Variants in NCKAP1 observed in about 807,000 individuals in gnomAD.
NCKAP1 encodes the protein NCK associated protein 1.
NCKAP1 carries 21 observed loss-of-function variants against 151.2 expected under a neutral mutation model. The ratio of observed to expected loss-of-function variants is 0.14; its 90% confidence interval spans 0.10 to 0.20. NCKAP1 has a LOEUF of 0.20. Ranked by LOEUF, NCKAP1 falls within the 10% of genes least tolerant of loss-of-function variation. The pLI, the probability that NCKAP1 is intolerant of heterozygous loss-of-function variation, is 1.00. For missense variants in NCKAP1, 933 were observed against 1,352.1 expected, an observed-to-expected ratio of 0.69 and a Z score of 4.86; for synonymous variants, 484 against 451.8, an observed-to-expected ratio of 1.07 and a Z score of -0.90.
chr2:182,954,463 T>C (rs555054831), intron 20 of NCKAP1, among the ~76,000 whole-genome samples: 31 of 152,246 alleles, frequency 2.0e-4, no homozygotes, highest in Admixed American at 8.5e-4. Context: ...ACAAATCCCA[T>C]CACTAGAAAC....
At chr2:183,026,440 C>T (rs1022249234) in intron 1 of NCKAP1, among the ~76,000 whole-genome samples, 1 of 150,774 alleles carries the variant, frequency 6.6e-6, no homozygotes, top group Non-Finnish European at 1.5e-5. Context: ...ACCACTGTAC[C>T]GCAGCCTGAG....
intron 5 of NCKAP1, 22 bp from the exon 6 acceptor site, chr2:183,002,065 T>C (rs1185084636): frequency 1.2e-6 from 2 of 1,612,782 alleles, no homozygotes; most frequent in East Asian, 4.5e-5. Flanking sequence ...CATATCAAAT[T>C]TCAATGAGTT....
intron 18 of NCKAP1, among the ~76,000 whole-genome samples, chr2:182,958,698 T>C (rs1034612679): frequency 2.0e-5 from 3 of 152,148 alleles, no homozygotes; most frequent in Non-Finnish European, 4.4e-5. Flanking sequence ...ACCTAACACA[T>C]TGTTAAGACC....
Position 182,910,349 on chromosome 2 carries a change from G to A in NCKAP1, c.*15353C>T, listed in dbSNP as rs190429973. The A allele has an allele frequency of 1.3e-5, 2 of 152,376 alleles. No homozygotes were observed. Among genetic ancestry groups the A allele is most frequent in the East Asian group, 3.9e-4 (2 of 5,182 alleles). 9.4% of individuals were successfully genotyped at this position (152,376 alleles called of 1,614,324 possible). A position where few individuals can be genotyped will look rare whatever the true frequency, so the allele number is the denominator to read the frequency against. ...AATGTACTAAAATTCTTTGAGAGAT[G>A]AGAGGAAATATTTTTCAGAAGCTTG... On this transcript the variant is annotated 3_prime_UTR_variant, in exon 31 of 31. Coordinates refer to ENST00000361354, the MANE Select transcript of NCKAP1 (RefSeq NM_013436.5).
rs556850463 is a variant in NCKAP1, at chr2:182,943,976, G to T, written c.2602-1813C>A. ...CTTTTGTGCGCATAAAAATTCTCTA[G>T]AGAACTCCTTACAAACACACATTGC... On this transcript the variant is annotated intron_variant, in intron 23 of 30. Transcript: ENST00000361354. Among the ~76,000 whole-genome samples the T allele has an allele frequency of 4.4e-4, 67 of 152,246 alleles. 1 individual carries two copies. Among genetic ancestry groups the T allele is most frequent in the African/African-American group, 1.6e-3 (66 of 41,546 alleles).
intron 8 of NCKAP1, among the ~76,000 whole-genome samples, chr2:182,990,344 C>T (rs2105863280): frequency 6.6e-6 from 1 of 152,114 alleles, no homozygotes; most frequent in East Asian, 1.9e-4. Flanking sequence ...GGTCCATATG[C>T]TTCTTATAGT....
chr2:182,970,493 A>G (rs755221015), intron 15 of NCKAP1, among the ~76,000 whole-genome samples: 60 of 152,244 alleles, frequency 3.9e-4, no homozygotes, highest in Non-Finnish European at 1.2e-4. Flanking sequence ...CTGAAAATGC[A>G]TTCAATAAAA....
intron 23 of NCKAP1, among the ~76,000 whole-genome samples, chr2:182,944,669 C>A (rs1295240747): frequency 6.6e-6 from 1 of 152,020 alleles, no homozygotes; most frequent in African/African-American, 2.4e-5. Flanking sequence ...ACACAAATTA[C>A]CCTATAAAAC....
At chr2:183,008,341 C>G (rs1171663791) in intron 2 of NCKAP1, among the ~76,000 whole-genome samples, 2 of 152,166 alleles carry the variant, frequency 1.3e-5, no homozygotes, top group African/African-American at 4.8e-5. Context: ...ACTATTTTTG[C>G]AAAGTTTTTA....
chr2:183,026,345 G>A (rs1048349249), intron 1 of NCKAP1, among the ~76,000 whole-genome samples: 1 of 152,118 alleles, frequency 6.6e-6, no homozygotes, highest in East Asian at 1.9e-4. Context: ...GTGTGGTGGT[G>A]CACAACTGTA....
intron 10 of NCKAP1, among the ~76,000 whole-genome samples, chr2:182,984,423 GGTGTGT>G (rs4018678): frequency 0.058 from 8,394 of 143,890 alleles, 356 homozygotes; most frequent in African/African-American, 0.12. Flanking sequence ...TTTAGATTGG[GGTGTGT>G]GTGTGTGTGT....
At chr2:182,958,586 T>G (rs969081847) in intron 18 of NCKAP1, among the ~76,000 whole-genome samples, 3 of 152,170 alleles carry the variant, frequency 2.0e-5, no homozygotes, top group Non-Finnish European at 2.9e-5. Context: ...TAAAAAAATT[T>G]TAATGGGCAG....
chr2:182,971,392 TC>T (rs1294127962), intron 15 of NCKAP1, among the ~76,000 whole-genome samples: 39 of 63,580 alleles, frequency 6.1e-4, no homozygotes, highest in Middle Eastern at 0.013. Flanking sequence ...AGACTCCGTC[TC>T]AAAAAAAAAA....
chr2:183,011,197 AAGTT>A lies in NCKAP1; in HGVS notation c.220-7876_220-7873del, dbSNP rs542712818. Among the ~76,000 whole-genome samples the A allele has an allele frequency of 2.3e-4, 35 of 152,344 alleles. 1 individual carries two copies. The South Asian group carries it at 7.2e-3, about 32-fold the overall frequency. ...ACAATTTTGCCTAACCGGACTCAAC[AAGTT>A]TGGTCATAGGAGAACCAAAATGCTT... On this transcript the variant is annotated intron_variant, in intron 2 of 30. Transcript: ENST00000361354.
chr2:182,969,199 G>A (rs1697636202), intron 15 of NCKAP1, among the ~76,000 whole-genome samples: 1 of 152,166 alleles, frequency 6.6e-6, no homozygotes, highest in Non-Finnish European at 1.5e-5. Flanking sequence ...GAGACCATAT[G>A]TTAGGCCACA....
intron 2 of NCKAP1, among the ~76,000 whole-genome samples, chr2:183,013,341 G>A (rs1056670337): frequency 6.6e-6 from 1 of 152,008 alleles, no homozygotes; most frequent in African/African-American, 2.4e-5. Flanking sequence ...TGCATTCACT[G>A]TACTACTCCC....
intron 2 of NCKAP1, among the ~76,000 whole-genome samples, chr2:183,020,481 GAAAAAAAAGA>G (rs1698776401): frequency 7.3e-6 from 1 of 136,260 alleles, no homozygotes; most frequent in Non-Finnish European, 1.6e-5. Flanking sequence ...AAAAAAAAAA[GAAAAAAAAGA>G]AAAAAAAATT....
rs377342348 is a variant in NCKAP1 at position 182,971,388 on chromosome 2, C to T, written c.1483-4027G>A. On this transcript the variant is annotated intron_variant, in intron 15 of 30. Transcript: ENST00000361354. Reference sequence around the variant, plus strand: ...CAGCCTGGGCGACAGAGCGAGACTCCGTCTCAAAAAAAAAAAAAAAAAAAA... The same window carrying T: ...CAGCCTGGGCGACAGAGCGAGACTCTGTCTCAAAAAAAAAAAAAAAAAAAA... 9.8e-3 allele frequency among the ~76,000 whole-genome samples: 1,170 copies of T among 119,582 alleles called. 19 individuals carry two copies. The highest frequency in any genetic ancestry group is 0.037 in the African/African-American group (1,108 of 29,938). 78.5% of individuals were successfully genotyped at this position (119,582 alleles called of 152,430 possible). A position where few individuals can be genotyped will look rare whatever the true frequency, so the allele number is the denominator to read the frequency against.
At chr2:182,929,761 TG>T (rs1243477122) in intron 27 of NCKAP1, among the ~76,000 whole-genome samples, 27 of 123,154 alleles carry the variant, frequency 2.2e-4, no homozygotes, top group South Asian at 4.8e-4. Flanking sequence ...CATTGTTAAA[TG>T]AAAAAAAAAA....
Sources: allele counts gnomAD v4.1 joint callset (sites outside exome capture counted in the v4.1 genomes callset), GRCh38; gene constraint gnomAD v4.1.1; transcripts MANE v1.5; gene names NCBI Gene and HGNC (gene_info 2026-07-23, HGNC 2026-07-21).